GSE1: variants seen among roughly 807,000 people sequenced by gnomAD.
GSE1 encodes the protein Gse1 coiled-coil protein.
In GSE1, 32 loss-of-function variants were observed where a neutral mutation model predicts 112.6. That is an observed-to-expected ratio of 0.28 (90% confidence interval 0.21 to 0.38). The LOEUF is 0.38. Ranked by LOEUF, GSE1 falls within the 10% of genes least tolerant of loss-of-function variation. GSE1 has a pLI of 1.00. For synonymous variants in GSE1, 1,115 were observed against 735.6 expected (o/e 1.52, Z -8.35); for missense variants, 2,348 against 1,699.2 (o/e 1.38, Z -6.71).
chr16:85,443,094 G>A (rs1354109462), intron 2 of GSE1, among the ~76,000 whole-genome samples: 1 of 152,232 alleles, frequency 6.6e-6, no homozygotes, highest in Non-Finnish European at 1.5e-5. Context: ...TCTGATTGAT[G>A]ACATCTGCGA....
rs1278396820 is a variant in GSE1, at chr16:85,668,289, A to C, written c.3280A>C (p.Thr1094Pro). ...CCCCACTGCAAGGAAGGGCCCCCCAACCCAGGAGTTGGACCGGGACTCGGA... is the reference window on the plus strand; with the variant it reads ...CCCCACTGCAAGGAAGGGCCCCCCACCCCAGGAGTTGGACCGGGACTCGGA... ...EPPTARKGPP[T>P]QELDRDSEEE... Residue 1094 changes from threonine (T) to proline (P), a missense_variant, in exon 14 of 16, where the codon ACC (threonine) becomes CCC (proline). By Grantham distance (38) the Thr-to-Pro change is conservative. Transcript: ENST00000253458. 2 of 1,612,908 alleles carry C rather than the reference A, an allele frequency of 1.2e-6. No individual in the cohort carries two copies. Among genetic ancestry groups the C allele is most frequent in the South Asian group, 2.2e-5 (2 of 91,048 alleles).
chr16:85,259,386 G>T (rs1405584510), intron 1 of GSE1, among the ~76,000 whole-genome samples: 4 of 152,186 alleles, frequency 2.6e-5, no homozygotes, highest in African/African-American at 9.6e-5. Context: ...TGGGCTCCAG[G>T]CACCTGAAGA....
At chr16:85,208,945 G>A (rs564519451) in intron 1 of GSE1, among the ~76,000 whole-genome samples, 11 of 149,840 alleles carry the variant, frequency 7.3e-5, no homozygotes, top group East Asian at 4.0e-4. Flanking sequence ...GTTGGGGTTC[G>A]CCGCATGTTG....
exon 1 of GSE1, chr16:85,556,161 AT>A (rs35799221): frequency 1.8e-3 from 1,559 of 858,050 alleles, no homozygotes; most frequent in Middle Eastern, 4.1e-3. Flanking sequence ...GGAAAGACTG[AT>A]TTTTTTTTTT....
chr16:85,379,319 G>A (rs1007276397), intron 2 of GSE1, among the ~76,000 whole-genome samples: 1 of 152,208 alleles, frequency 6.6e-6, no homozygotes, highest in East Asian at 1.9e-4. Context: ...GTTTCCATCC[G>A]TTTTGCTCCT....
intron 2 of GSE1, among the ~76,000 whole-genome samples, chr16:85,550,193 A>C (rs1321081987): frequency 6.6e-6 from 1 of 152,090 alleles, no homozygotes; most frequent in Non-Finnish European, 1.5e-5. Context: ...GGCGAGACGG[A>C]ATTTGAAGTC....
At chr16:85,564,652 G>A (rs2045661716) in intron 1 of GSE1, among the ~76,000 whole-genome samples, 1 of 152,224 alleles carries the variant, frequency 6.6e-6, no homozygotes, top group South Asian at 2.1e-4. Context: ...CTCTAGGGGT[G>A]GGGCTCTGAA....
intron 1 of GSE1, among the ~76,000 whole-genome samples, chr16:85,219,095 G>A (rs559080685): frequency 2.6e-5 from 4 of 152,242 alleles, no homozygotes; most frequent in African/African-American, 9.6e-5. Flanking sequence ...TAGCCAGGAT[G>A]GTCTTGATCT....
At position 85,546,555 on chromosome 16, in the gene GSE1, G is replaced by A. The variant is rs375550478; in HGVS notation, c.2465-87359G>A. Among the ~76,000 whole-genome samples, 12 of 152,354 alleles carry A rather than the reference G, an allele frequency of 7.9e-5. No homozygotes were observed. The East Asian group carries it at 1.9e-3, about 24-fold the overall frequency. On this transcript the variant is annotated intron_variant, in intron 2 of 2. Coordinates refer to the GSE1 transcript ENST00000637419. ...GGCCTCTGCCCTGAGCATCATTTGG[G>A]GAGTTGATGGAGGTGTTGCTGGCTT...
At chr16:85,669,883 C>T (rs746871748) in intron 14 of GSE1, among the ~76,000 whole-genome samples, 9 of 152,216 alleles carry the variant, frequency 5.9e-5, no homozygotes, top group East Asian at 3.8e-4. Context: ...GGCCTGGCTT[C>T]GCCCCTGTCA....
In GSE1 at chr16:85,655,886, T is replaced by C. The variant is rs980338550; in HGVS notation, c.958T>C (p.Ser320Pro). Residue 320 changes from serine to proline, a missense_variant, in exon 6 of 16, where the codon TCG (serine) becomes CCG (proline). Coordinates refer to ENST00000253458, the MANE Select transcript of GSE1 (RefSeq NM_014615.5). ...CCACTCATCCCTGGCAGCGCTGCAC[T>C]CGGAGCGCATGTCTGGCCTCAGCGC... is the stretch of plus-strand genomic sequence containing the variant. ...LSHSSLAALH[S>P]ERMSGLSAER... 2 of 1,606,236 alleles carry C rather than the reference T, an allele frequency of 1.2e-6. No individual in the cohort carries two copies. Among genetic ancestry groups the C allele is most frequent in the Admixed American group, 1.7e-5 (1 of 59,972 alleles).
intron 1 of GSE1, among the ~76,000 whole-genome samples, chr16:85,315,799 A>T (rs1006236161): frequency 5.9e-5 from 9 of 152,338 alleles, no homozygotes; most frequent in Admixed American, 1.3e-4. Context: ...GGCACCCTGT[A>T]TTCTTATTTG....
rs1289045641 is a variant in GSE1 at position 85,384,826 on chromosome 16, A to ATC, written c.2464+27183_2464+27184insTC. ...CTCCAGCGCCAGGATCCAGGAGGGA[A>ATC]CACACAGGAGGGGACAGAGCAGGCC... On this transcript the variant is annotated intron_variant, in intron 2 of 2. Transcript: ENST00000637419. Among the ~76,000 whole-genome samples, 4 of 152,296 alleles carry ATC rather than the reference A, an allele frequency of 2.6e-5. No individual in the cohort carries two copies. The East Asian group carries it at 7.7e-4, about 29-fold the overall frequency.
intron 2 of GSE1, chr16:85,489,750 C>A (rs71389132): frequency 6.6e-6 from 1 of 152,416 alleles, no homozygotes; most frequent in East Asian, 1.9e-4. Context: ...AACCTCAGAA[C>A]GTGACCCTAT....
At chr16:85,670,797 G>T (rs1425197595) in intron 14 of GSE1, 198 bp from the exon 15 acceptor site, 5 of 430,906 alleles carry the variant, frequency 1.2e-5, no homozygotes, top group Non-Finnish European at 2.1e-5. Context: ...TGTGTATTGG[G>T]CTTAATTTAG....
chr16:85,215,613 A>G (rs2075295131), intron 1 of GSE1, among the ~76,000 whole-genome samples: 1 of 152,200 alleles, frequency 6.6e-6, no homozygotes, highest in Non-Finnish European at 1.5e-5. Flanking sequence ...AGTCCCATAG[A>G]TGCCTGTTAG....
intron 2 of GSE1, among the ~76,000 whole-genome samples, chr16:85,424,450 A>G (rs1008136691): frequency 6.6e-5 from 10 of 152,262 alleles, no homozygotes; most frequent in African/African-American, 2.4e-4. Context: ...GGTGTCAGTT[A>G]ACCAGCCTGG....
chr16:85,317,529 A>G (rs917163110), intron 1 of GSE1, among the ~76,000 whole-genome samples: 4 of 152,168 alleles, frequency 2.6e-5, no homozygotes, highest in African/African-American at 9.7e-5. Context: ...GGTCCGTGGC[A>G]GGACTGAGCC....
chr16:85,425,906 C>T (rs183786057), intron 2 of GSE1, among the ~76,000 whole-genome samples: 3 of 152,306 alleles, frequency 2.0e-5, no homozygotes, highest in Admixed American at 6.5e-5. Flanking sequence ...AGGCATGGAG[C>T]GGTGGAGTTT....
Sources: gnomAD v4.1 joint callset for allele counts (sites outside exome capture counted in the v4.1 genomes callset) on GRCh38, gnomAD v4.1.1 for gene constraint, MANE v1.5 for transcripts, NCBI Gene and HGNC (gene_info 2026-07-23, HGNC 2026-07-21) for gene names.